The following CTNND1 variants were observed in gnomAD, a reference collection of about 807,000 sequenced individuals.
The protein encoded by CTNND1 is catenin delta 1.
A neutral mutation model predicts 112.1 loss-of-function variants in CTNND1; 16 were observed. The ratio of observed to expected loss-of-function variants is 0.14; its 90% CI spans 0.10 to 0.22. The LOEUF (loss-of-function observed/expected upper bound fraction) is 0.22, where lower values mean the gene tolerates loss of function less well. Ranked by LOEUF, CTNND1 falls within the 10% of genes least tolerant of loss-of-function variation. The pLI is 1.00. For missense variants in CTNND1, 1,008 were observed against 1,257.0 expected, an observed-to-expected ratio of 0.80 and a Z score of 3.00; for synonymous variants, 420 against 446.5, an observed-to-expected ratio of 0.94 and a Z score of 0.75.
chr11:57,811,318 C>G, intron 16 of CTNND1, 81 bp from the exon 17 acceptor site: 1 of 1,123,730 alleles, frequency 8.9e-7, no homozygotes, highest in Non-Finnish European at 1.3e-6. Flanking sequence ...GAATAGGAAC[C>G]TAGAGGTTTA....
chr11:57,815,597 G>C (rs147326681), intron 19 of CTNND1, 97 bp downstream of exon 19: 2 of 1,078,092 alleles, frequency 1.9e-6, no homozygotes, highest in Non-Finnish European at 2.9e-6. Flanking sequence ...GAGAAAGATC[G>C]CATCCTTTTC....
chr11:57,792,731 A>G (rs577716337), intron 3 of CTNND1, among the ~76,000 whole-genome samples: 1 of 151,922 alleles, frequency 6.6e-6, no homozygotes, highest in South Asian at 2.1e-4. Flanking sequence ...GGGTTTCACC[A>G]TGTTGGCCAG....
chr11:57,772,201 G>T (rs988747414), intron 1 of CTNND1, among the ~76,000 whole-genome samples: 1 of 151,166 alleles, frequency 6.6e-6, no homozygotes, highest in Non-Finnish European at 1.5e-5. Context: ...CAAAGTGCTG[G>T]GATTACAGGT....
Position 57,774,370 on chromosome 11 carries a change from T to G in CTNND1, c.-214+12251T>G, listed in dbSNP as rs143244093. 1.0e-3 allele frequency among the ~76,000 whole-genome samples: 159 copies of G among 152,312 alleles called. 2 individuals carry two copies. Among genetic ancestry groups the G allele is most frequent in the African/African-American group, 3.5e-3 (147 of 41,576 alleles). ...CATAATTGTGTTCTCCAATCTGCAG[T>G]GTACAGAGGGATATCCTACAATGTA... On this transcript the variant is annotated intron_variant, in intron 1 of 20. Coordinates refer to ENST00000399050, the MANE Select transcript of CTNND1 (RefSeq NM_001085458.2).
At chr11:57,778,803 T>C (rs1293278158) in intron 1 of CTNND1, among the ~76,000 whole-genome samples, 2 of 152,106 alleles carry the variant, frequency 1.3e-5, no homozygotes. Flanking sequence ...AGAGGGTCGA[T>C]GTCTTTGTGG....
At chr11:57,811,699 T>C (rs2063376511) in intron 17 of CTNND1, among the ~76,000 whole-genome samples, 1 of 151,878 alleles carries the variant, frequency 6.6e-6, no homozygotes, top group Non-Finnish European at 1.5e-5. Context: ...GTGATTCCTT[T>C]ATCATTGCTT....
rs1437186359 is a variant in CTNND1 at position 57,796,642 on chromosome 11, T to C, written c.606T>C (p.Leu202=). The C allele has an allele frequency of 3.7e-6, 6 of 1,613,980 alleles. No individual in the cohort carries two copies. The highest frequency in any genetic ancestry group is 5.1e-6 in the Non-Finnish European group (6 of 1,179,870). ...PYVGQAGTAT[L]PRNFHYPPDG... is the part of the protein sequence containing the mutation. ...TGGGGCAAGCTGGCACTGCTACCCT[T>C]CCTAGGAACTTCCACTACCCTCCTG... is the stretch of plus-strand genomic sequence containing the variant. Residue 202 remains leucine (L), a synonymous_variant, in exon 6 of 21, where the codon CTT becomes CTC. Transcript: ENST00000399050.
At chr11:57,793,724 C>CACTAG (rs1490648703) in intron 3 of CTNND1, among the ~76,000 whole-genome samples, 2 of 152,198 alleles carry the variant, frequency 1.3e-5, no homozygotes, top group African/African-American at 4.8e-5. Flanking sequence ...CTGTTCAAGG[C>CACTAG]ACTAGACTAA....
At chr11:57,784,764 C>T (rs2059958894) in intron 1 of CTNND1, among the ~76,000 whole-genome samples, 1 of 152,104 alleles carries the variant, frequency 6.6e-6, no homozygotes. Context: ...TCTCAGCCTC[C>T]TAAAGTGCTG....
chr11:57,791,621 C>T lies in CTNND1; in HGVS notation c.143C>T (p.Pro48Leu). 1 of 1,603,466 alleles carries T rather than the reference C, an allele frequency of 6.2e-7. No individual in the cohort carries two copies. The highest frequency in any genetic ancestry group is 1.7e-5 in the Admixed American group (1 of 58,440). ...SAQLERVRVS[P>L]QDANPLMANG... is the part of the protein sequence containing the mutation. ...CAGCTGGAACGCGTCCGGGTCTCAC[C>T]ACAAGATGCCAACCCACTCATGGCC... Residue 48 changes from proline to leucine, a missense_variant, in exon 3 of 21, where the codon CCA (proline) becomes CTA (leucine). Pro to Leu is a moderately conservative substitution (Grantham distance 98). This residue lies in a region of CTNND1 where 404 missense variants were observed against 457.9 expected (regional missense o/e 0.88). Transcript: ENST00000399050.
intron 1 of CTNND1, among the ~76,000 whole-genome samples, chr11:57,782,578 T>C (rs928710806): frequency 2.0e-5 from 3 of 152,134 alleles, no homozygotes; most frequent in Admixed American, 1.3e-4. Context: ...GCTGGAACAG[T>C]TGGCCCCCTT....
chr11:57,795,707 C>T lies in CTNND1; in HGVS notation c.398C>T (p.Thr133Ile). Residue 133 changes from threonine to isoleucine, a missense_variant, in exon 5 of 21, where the codon ACC becomes ATC. Thr to Ile is a moderately conservative substitution (Grantham distance 89). Coordinates refer to ENST00000399050, the MANE Select transcript of CTNND1 (RefSeq NM_001085458.2). ...VVSVETSDDG[T>I]TRRTETTVKK... ...TCTGTGGAGACCTCAGATGATGGGA[C>T]CACTCGGCGCACAGAGACCACGGTA... is the stretch of plus-strand genomic sequence containing the variant. 2 of 1,603,280 alleles carry T rather than the reference C, an allele frequency of 1.2e-6. No individual in the cohort carries two copies. The highest frequency in any genetic ancestry group is 1.7e-6 in the Non-Finnish European group (2 of 1,176,402).
chr11:57,808,522 C>T lies in CTNND1; in HGVS notation c.2224C>T (p.Arg742Cys), dbSNP rs752805578. 372 of 1,601,504 alleles carry T rather than the reference C, an allele frequency of 2.3e-4. No homozygotes were observed. The highest frequency in any genetic ancestry group is 2.9e-4 in the Non-Finnish European group (344 of 1,175,476). Residue 742 changes from arginine (R) to cysteine (C), a missense_variant, in exon 14 of 21, where the codon CGC becomes TGC. Coordinates refer to ENST00000399050, the MANE Select transcript of CTNND1 (RefSeq NM_001085458.2). ...ACTGAGAAACCTGGCTGTGGATGCT[C>T]GCAACAAAGAATTAATTGGTGAGGA... ...GALRNLAVDA[R>C]NKELIGKHAI...
chr11:57,790,191 C>A (rs963197625), intron 2 of CTNND1, among the ~76,000 whole-genome samples: 2 of 151,966 alleles, frequency 1.3e-5, no homozygotes, highest in Non-Finnish European at 2.9e-5. Context: ...ACGCAATTCT[C>A]ATGCCTCGGC....
At position 57,816,673 on chromosome 11, in the gene CTNND1, G is replaced by C; in HGVS notation, c.*365G>C. On this transcript the variant is annotated 3_prime_UTR_variant, in exon 21 of 21. Coordinates refer to ENST00000399050, the MANE Select transcript of CTNND1 (RefSeq NM_001085458.2). ...ATAGGAATCTTCACTAGAAGCCGTGGGAAGAATTGGAAGTTACATGCTGTA... is the reference window on the plus strand; with the variant it reads ...ATAGGAATCTTCACTAGAAGCCGTGCGAAGAATTGGAAGTTACATGCTGTA... 2 of 324,448 alleles carry C rather than the reference G, an allele frequency of 6.2e-6. No homozygotes were observed. Among genetic ancestry groups the C allele is most frequent in the South Asian group, 8.2e-5 (2 of 24,378 alleles). The allele number at this position is 324,448 out of a possible 1,614,324, so 20.1% of individuals were successfully genotyped here. A position where few individuals can be genotyped will look rare whatever the true frequency, so the allele number is the denominator to read the frequency against.
intron 6 of CTNND1, 46 bp from the exon 7 acceptor site, chr11:57,801,687 C>A: frequency 1.3e-6 from 2 of 1,503,634 alleles, no homozygotes; most frequent in Non-Finnish European, 1.8e-6. Flanking sequence ...AGGAAGCTAG[C>A]CATAATGACT....
intron 1 of CTNND1, among the ~76,000 whole-genome samples, chr11:57,783,900 G>A (rs986972343): frequency 1.3e-5 from 2 of 151,908 alleles, no homozygotes; most frequent in South Asian, 2.1e-4. Flanking sequence ...TGCAGTAGGA[G>A]GCTTGGTATG....
At chr11:57,811,880 A>G (rs1312942105) in intron 17 of CTNND1, among the ~76,000 whole-genome samples, 1 of 152,244 alleles carries the variant, frequency 6.6e-6, no homozygotes, top group Non-Finnish European at 1.5e-5. Flanking sequence ...AGAGAAAACC[A>G]CTTGTATCTT....
chr11:57,796,103 A>G (rs756374029), intron 5 of CTNND1, among the ~76,000 whole-genome samples: 1 of 152,028 alleles, frequency 6.6e-6, no homozygotes, highest in Non-Finnish European at 1.5e-5. Flanking sequence ...TTAATTGTTC[A>G]TGGCTGGGCG....
Sources: allele counts gnomAD v4.1 joint callset (sites outside exome capture counted in the v4.1 genomes callset), GRCh38; gene constraint gnomAD v4.1.1; regional missense constraint gnomAD v4.1.1; transcripts MANE v1.5; gene names NCBI Gene and HGNC (gene_info 2026-07-23, HGNC 2026-07-21).